The following GALNT13 variants were observed in gnomAD, a reference collection of about 807,000 sequenced individuals.
The protein encoded by GALNT13 is UDP-GalNAc:polypeptide N-acetylgalactosaminyltransferase 13.
GALNT13 carries 28 observed loss-of-function variants against 64.2 expected under a neutral mutation model. The observed-to-expected ratio is 0.44, with a 90% CI of 0.32 to 0.60. The LOEUF (loss-of-function observed/expected upper bound fraction) is 0.60. GALNT13 is among the 20% of genes least tolerant of loss of function. The pLI is 0.05. For synonymous variants in GALNT13, 214 were observed against 224.6 expected (o/e 0.95, Z 0.42); for missense variants, 577 against 669.8 (o/e 0.86, Z 1.53).
the GALNT13 span, among the ~76,000 whole-genome samples, chr2:153,272,820 C>T: frequency 3.3e-4 from 50 of 152,126 alleles, no homozygotes; most frequent in South Asian, 6.2e-4. Context: ...TGCACAGGTA[C>T]GTATATTGCA....
the GALNT13 span, among the ~76,000 whole-genome samples, chr2:153,223,897 G>A: frequency 6.6e-6 from 1 of 152,134 alleles, no homozygotes; most frequent in East Asian, 1.9e-4. Context: ...TTGAACCTGG[G>A]AGGCAGAGGT....
chr2:153,927,612 A>G (rs1372595049), intron 2 of GALNT13, among the ~76,000 whole-genome samples: 1 of 152,072 alleles, frequency 6.6e-6, no homozygotes, highest in Admixed American at 6.6e-5. Context: ...TTTTAAGTCC[A>G]TGAGGACTTG....
chr2:153,247,939 T>G, the GALNT13 span, among the ~76,000 whole-genome samples: 2 of 152,132 alleles, frequency 1.3e-5, no homozygotes, highest in African/African-American at 4.8e-5. Flanking sequence ...AACAGCCCTA[T>G]GTAACCAAAC....
At chr2:153,708,219 G>A in the GALNT13 span, among the ~76,000 whole-genome samples, 209 of 152,158 alleles carry the variant, frequency 1.4e-3, no homozygotes, top group Admixed American at 3.0e-3. Flanking sequence ...AAAACTACTG[G>A]TGTATGTTCC....
the GALNT13 span, among the ~76,000 whole-genome samples, chr2:153,299,454 T>C: frequency 6.6e-6 from 1 of 152,188 alleles, no homozygotes; most frequent in Non-Finnish European, 1.5e-5. Flanking sequence ...TAATAGGAAC[T>C]GTTAGTCAAC....
At chr2:153,187,189 A>T in the GALNT13 span, among the ~76,000 whole-genome samples, 3 of 152,248 alleles carry the variant, frequency 2.0e-5, no homozygotes, top group Non-Finnish European at 4.4e-5. Flanking sequence ...CATAATAGCC[A>T]TCATAGACAA....
intron 8 of GALNT13, among the ~76,000 whole-genome samples, chr2:154,285,217 T>C (rs1473716271): frequency 6.6e-6 from 1 of 152,190 alleles, no homozygotes; most frequent in Admixed American, 6.5e-5. Context: ...AGCTTTTTAG[T>C]TTGACACAAT....
At chr2:153,290,596 A>G in the GALNT13 span, among the ~76,000 whole-genome samples, 1 of 152,174 alleles carries the variant, frequency 6.6e-6, no homozygotes, top group Non-Finnish European at 1.5e-5. Flanking sequence ...TATTTTGTTT[A>G]TTGTGCATTT....
At chr2:154,196,005 T>A (rs1686858792) in intron 4 of GALNT13, among the ~76,000 whole-genome samples, 1 of 152,204 alleles carries the variant, frequency 6.6e-6, no homozygotes, top group Non-Finnish European at 1.5e-5. Flanking sequence ...TCAACTTAAT[T>A]GCATCAGGCC....
the GALNT13 span, among the ~76,000 whole-genome samples, chr2:153,419,635 G>A: frequency 6.6e-6 from 1 of 152,126 alleles, no homozygotes; most frequent in Non-Finnish European, 1.5e-5. Context: ...ATTTACATGT[G>A]ATAAAGCTTC....
the GALNT13 span, among the ~76,000 whole-genome samples, chr2:153,432,179 C>A: frequency 6.6e-6 from 1 of 152,136 alleles, no homozygotes; most frequent in Non-Finnish European, 1.5e-5. Flanking sequence ...AGAGTGGATT[C>A]TTACAGAGGT....
chr2:154,237,399 ATTTGT>A lies in GALNT13; in HGVS notation c.312-4622_312-4618del, dbSNP rs200615459. ...ATAGATTATTAGCCAAGTTCTATCT[ATTTGT>A]TTTGTTTTAAGTACTTATCCCCACT... On this transcript the variant is annotated intron_variant, in intron 4 of 12. Transcript: ENST00000392825. 8.7e-3 allele frequency among the ~76,000 whole-genome samples: 1,302 copies of A among 149,102 alleles called. 20 individuals carry two copies. The highest frequency in any genetic ancestry group is 0.031 in the African/African-American group (1,222 of 39,320).
intron 10 of GALNT13, among the ~76,000 whole-genome samples, chr2:154,401,285 A>G (rs1699291778): frequency 6.6e-6 from 1 of 152,144 alleles, no homozygotes; most frequent in Non-Finnish European, 1.5e-5. Context: ...TGCAGAAGCT[A>G]AAACGCTTAA....
At chr2:154,016,533 T>A (rs924117189) in intron 3 of GALNT13, among the ~76,000 whole-genome samples, 2 of 152,184 alleles carry the variant, frequency 1.3e-5, no homozygotes, top group African/African-American at 4.8e-5. Flanking sequence ...TTCTCCTGCC[T>A]CAGCCTCCCC....
At chr2:153,696,096 G>A in the GALNT13 span, among the ~76,000 whole-genome samples, 2 of 152,134 alleles carry the variant, frequency 1.3e-5, no homozygotes, top group Admixed American at 1.3e-4. Context: ...TGCAAGCTGA[G>A]GAGCAAGGAA....
intron 3 of GALNT13, among the ~76,000 whole-genome samples, chr2:153,990,074 G>GA (rs1695061543): frequency 6.6e-6 from 1 of 152,008 alleles, no homozygotes; most frequent in South Asian, 2.1e-4. Flanking sequence ...GGCAGCTTAT[G>GA]AAAAATAGTT....
At chr2:153,421,730 T>A in the GALNT13 span, 1 of 268,132 alleles carries the variant, frequency 3.7e-6, no homozygotes, top group Non-Finnish European at 7.7e-6. Context: ...TAGGTGCCAG[T>A]GCAAACTTCA....
At chr2:154,366,223 T>C (rs986014837) in intron 9 of GALNT13, among the ~76,000 whole-genome samples, 3 of 152,202 alleles carry the variant, frequency 2.0e-5, no homozygotes, top group Admixed American at 6.6e-5. Flanking sequence ...AAAGTCATAA[T>C]CTGATATTCA....
chr2:153,496,825 A>G, the GALNT13 span, among the ~76,000 whole-genome samples: 2 of 151,860 alleles, frequency 1.3e-5, no homozygotes, highest in African/African-American at 2.4e-5. Flanking sequence ...ATCGCTACTA[A>G]AAATACAAAG....
Sources: allele counts gnomAD v4.1 joint callset (sites outside exome capture counted in the v4.1 genomes callset), GRCh38; gene constraint gnomAD v4.1.1; transcripts MANE v1.5; gene names NCBI Gene and HGNC (gene_info 2026-07-23, HGNC 2026-07-21).